MAP2K4: variants seen among roughly 807,000 people sequenced by gnomAD.
The protein encoded by MAP2K4 is dual specificity mitogen-activated protein kinase kinase 4.
MAP2K4 carries 4 observed loss-of-function variants against 48.5 expected under a neutral mutation model. The ratio of observed to expected loss-of-function variants is 0.08; its 90% CI spans 0.04 to 0.19. MAP2K4 has a LOEUF of 0.19. MAP2K4 is among the 10% of genes least tolerant of loss of function. MAP2K4 has a pLI of 1.00. For synonymous variants in MAP2K4, 166 were observed against 173.1 expected (o/e 0.96, Z 0.32); for missense variants, 258 against 493.3 (o/e 0.52, Z 4.52).
intron 7 of MAP2K4, 200 bp from the exon 8 acceptor site, chr17:12,125,094 T>C: frequency 1.8e-6 from 1 of 553,790 alleles, no homozygotes. Context: ...CTTAGTGTTC[T>C]CTTTATGGAA....
chr17:12,080,231 A>G (rs1971146005), intron 2 of MAP2K4, among the ~76,000 whole-genome samples: 1 of 152,238 alleles, frequency 6.6e-6, no homozygotes, highest in Non-Finnish European at 1.5e-5. Context: ...TTTTGGAAGA[A>G]GAAAAATAAT....
In MAP2K4 at chr17:12,121,570, G is replaced by A. The variant is rs1350334221; in HGVS notation, c.814-3724G>A. Among the ~76,000 whole-genome samples the A allele has an allele frequency of 3.2e-4, 31 of 96,104 alleles. No homozygotes were observed. In the Admixed American group the frequency reaches 3.4e-3, roughly 11 times the overall value. 63.0% of individuals were successfully genotyped at this position (96,104 alleles called of 152,430 possible). On this transcript the variant is annotated intron_variant, in intron 7 of 10. Transcript: ENST00000353533. ...AGCCTGGGTGACAGAGCGAGACTCC[G>A]TCTCAAAAAAAAAAAAAAAAAAAAG...
intron 4 of MAP2K4, among the ~76,000 whole-genome samples, chr17:12,098,392 C>T (rs1002702174): frequency 3.3e-5 from 5 of 151,320 alleles, no homozygotes; most frequent in Non-Finnish European, 7.4e-5. Flanking sequence ...GCAGAAGAAT[C>T]GCTTGAATCC....
At chr17:12,132,329 C>T (rs765339888) in intron 9 of MAP2K4, among the ~76,000 whole-genome samples, 1 of 152,128 alleles carries the variant, frequency 6.6e-6, no homozygotes, top group Non-Finnish European at 1.5e-5. Flanking sequence ...CAATTAGAAA[C>T]TCTCTCCACA....
chr17:12,133,944 A>T (rs1282335150), intron 9 of MAP2K4, among the ~76,000 whole-genome samples: 1 of 152,232 alleles, frequency 6.6e-6, no homozygotes, highest in East Asian at 1.9e-4. Flanking sequence ...GGGACAGTGT[A>T]GTAGTATCTA....
At chr17:12,125,820 T>G (rs1972834408) in intron 8 of MAP2K4, among the ~76,000 whole-genome samples, 3 of 152,336 alleles carry the variant, frequency 2.0e-5, no homozygotes, top group Non-Finnish European at 4.4e-5. Flanking sequence ...CTACTTGCAA[T>G]ATTCTATTCA....
At chr17:12,058,612 A>G (rs1286642345) in intron 2 of MAP2K4, among the ~76,000 whole-genome samples, 1 of 152,170 alleles carries the variant, frequency 6.6e-6, no homozygotes, top group African/African-American at 2.4e-5. Flanking sequence ...TTTACTGTCA[A>G]TCAGCTTTAA....
chr17:12,068,746 T>C (rs922267120), intron 2 of MAP2K4, among the ~76,000 whole-genome samples: 1 of 150,264 alleles, frequency 6.7e-6, no homozygotes, highest in Admixed American at 6.7e-5. Context: ...AACATACATA[T>C]ATATATTATA....
At chr17:12,114,419 G>A (rs1597481426) in intron 7 of MAP2K4, among the ~76,000 whole-genome samples, 2 of 147,430 alleles carry the variant, frequency 1.4e-5, no homozygotes, top group African/African-American at 5.2e-5. Context: ...TGTGTGTGTA[G>A]ACACCTAACC....
chr17:12,128,825 T>A (rs186706673), intron 8 of MAP2K4, among the ~76,000 whole-genome samples: 196 of 152,330 alleles, frequency 1.3e-3, no homozygotes, highest in Non-Finnish European at 2.3e-3. Flanking sequence ...CAGACTTTCT[T>A]ATAAAGAAGT....
chr17:12,115,558 C>A, intron 7 of MAP2K4: 1 of 685,494 alleles, frequency 1.5e-6, no homozygotes. Flanking sequence ...TGGAAGACTA[C>A]CAGGCTGCGG....
intron 7 of MAP2K4, among the ~76,000 whole-genome samples, chr17:12,118,377 G>C (rs1374954310): frequency 6.6e-6 from 1 of 152,120 alleles, no homozygotes; most frequent in Non-Finnish European, 1.5e-5. Flanking sequence ...GGAGGCAAAA[G>C]CTTGCATCCT....
intron 9 of MAP2K4, among the ~76,000 whole-genome samples, chr17:12,138,223 T>G (rs957970533): frequency 5.3e-5 from 8 of 150,686 alleles, no homozygotes; most frequent in Non-Finnish European, 1.2e-4. Flanking sequence ...GATCCTTGAA[T>G]GGTGTGGAGG....
At chr17:12,071,038 C>T (rs1295548390) in intron 2 of MAP2K4, among the ~76,000 whole-genome samples, 1 of 152,204 alleles carries the variant, frequency 6.6e-6, no homozygotes, top group Non-Finnish European at 1.5e-5. Context: ...TGGCTTGTGG[C>T]AGCATAACCG....
At chr17:12,053,120 A>C (rs1204050077) in intron 1 of MAP2K4, among the ~76,000 whole-genome samples, 1 of 152,146 alleles carries the variant, frequency 6.6e-6, no homozygotes, top group African/African-American at 2.4e-5. Context: ...GTAATCCTCT[A>C]TCTTTAAATA....
chr17:12,139,129 T>C (rs770464976), intron 9 of MAP2K4, among the ~76,000 whole-genome samples: 4 of 152,218 alleles, frequency 2.6e-5, no homozygotes, highest in Non-Finnish European at 5.9e-5. Flanking sequence ...TAATTCATGT[T>C]TGATAGTAAA....
intron 3 of MAP2K4, among the ~76,000 whole-genome samples, chr17:12,094,375 C>T (rs7216213): frequency 0.94 from 143,538 of 152,326 alleles, 68,204 homozygotes; most frequent in East Asian, 1. Flanking sequence ...AATACATCTT[C>T]TATATCTCTT....
chr17:12,141,480 A>G lies in MAP2K4; in HGVS notation c.*220A>G. 2 of 542,846 alleles carry G rather than the reference A, an allele frequency of 3.7e-6. No homozygotes were observed. The highest frequency in any genetic ancestry group is 6.6e-6 in the Non-Finnish European group (2 of 304,234). The allele number at this position is 542,846 out of a possible 1,614,324, so 33.6% of individuals were successfully genotyped here. ...TGTTAGTGCTGGTCAGAGAGACCTC[A>G]TCCTGCTCTTTTGTGATGAACATAT... On this transcript the variant is annotated 3_prime_UTR_variant, in exon 11 of 11. Coordinates refer to ENST00000353533, the MANE Select transcript of MAP2K4 (RefSeq NM_003010.4).
intron 4 of MAP2K4, 57 bp downstream of exon 4, chr17:12,095,751 A>T: frequency 6.3e-7 from 1 of 1,576,044 alleles, no homozygotes. Context: ...ACAAATGAAG[A>T]TGGCAGGATT....
Sources: allele counts gnomAD v4.1 joint callset (sites outside exome capture counted in the v4.1 genomes callset), GRCh38; gene constraint gnomAD v4.1.1; transcripts MANE v1.5; gene names NCBI Gene and HGNC (gene_info 2026-07-23, HGNC 2026-07-21).